Variants in MMP26 observed in about 807,000 individuals in gnomAD.
MMP26 encodes matrix metalloproteinase-26.
A neutral mutation model predicts 31.0 loss-of-function variants in MMP26; 33 were observed. The observed-to-expected ratio is 1.06, with a 90% CI of 0.81 to 1.42. The LOEUF (loss-of-function observed/expected upper bound fraction) is 1.42, where lower values mean the gene tolerates loss of function less well. MMP26 is among the 40% of genes most tolerant of loss of function. MMP26 has a pLI of 0.00. For missense variants in MMP26, 347 were observed against 316.1 expected (o/e 1.10, Z -0.74); for synonymous variants, 122 against 114.9 (o/e 1.06, Z -0.40).
At chr11:4,726,180 A>G (rs1286249055) in intron 1 of MMP26, among the ~76,000 whole-genome samples, 2 of 152,230 alleles carry the variant, frequency 1.3e-5, no homozygotes, top group East Asian at 1.9e-4. Context: ...TATCGAATAA[A>G]TAAGAATTTT....
intron 1 of MMP26, among the ~76,000 whole-genome samples, chr11:4,707,353 T>G (rs934101825): frequency 2.0e-5 from 3 of 152,202 alleles, no homozygotes; most frequent in Admixed American, 2.0e-4. Context: ...ATTCAAGTCC[T>G]TTGTCCCTTT....
chr11:4,981,086 T>C (rs1437384808), intron 2 of MMP26, among the ~76,000 whole-genome samples: 1 of 152,116 alleles, frequency 6.6e-6, no homozygotes, highest in Non-Finnish European at 1.5e-5. Flanking sequence ...AGAAGAAATT[T>C]AAACAACTCA....
chr11:4,760,022 C>T (rs7127963), intron 1 of MMP26, among the ~76,000 whole-genome samples: 2 of 152,038 alleles, frequency 1.3e-5, no homozygotes, highest in East Asian at 1.9e-4. Context: ...AGCACAAAGG[C>T]CTTATTCTTA....
At chr11:4,927,402 A>G (rs960544928) in intron 2 of MMP26, among the ~76,000 whole-genome samples, 1 of 152,178 alleles carries the variant, frequency 6.6e-6, no homozygotes, top group Admixed American at 6.5e-5. Flanking sequence ...CAAGGAATAA[A>G]CAAAATGATA....
chr11:4,818,874 C>A (rs369017201), intron 2 of MMP26, among the ~76,000 whole-genome samples: 1 of 152,100 alleles, frequency 6.6e-6, no homozygotes, highest in East Asian at 1.9e-4. Context: ...CAGTATTAGA[C>A]TAATTCAATA....
chr11:4,715,648 A>G (rs1317013374), intron 1 of MMP26, among the ~76,000 whole-genome samples: 3 of 152,202 alleles, frequency 2.0e-5, no homozygotes, highest in Non-Finnish European at 4.4e-5. Flanking sequence ...ATAAAACTGG[A>G]AGATAAATAT....
At chr11:4,918,493 A>C (rs1212349578) in intron 2 of MMP26, among the ~76,000 whole-genome samples, 1 of 152,186 alleles carries the variant, frequency 6.6e-6, no homozygotes, top group Non-Finnish European at 1.5e-5. Flanking sequence ...AAATAAAATA[A>C]AATTCAGAAT....
At chr11:4,817,947 A>G (rs1849444140) in intron 2 of MMP26, among the ~76,000 whole-genome samples, 1 of 152,170 alleles carries the variant, frequency 6.6e-6, no homozygotes, top group South Asian at 2.1e-4. Flanking sequence ...CATGAGAAAG[A>G]GCAGACCAAG....
At chr11:4,823,357 G>C (rs537444384) in intron 2 of MMP26, among the ~76,000 whole-genome samples, 2 of 152,224 alleles carry the variant, frequency 1.3e-5, no homozygotes, top group South Asian at 4.2e-4. Context: ...CAAAGTCCTA[G>C]TCCATGTATA....
intron 1 of MMP26, among the ~76,000 whole-genome samples, chr11:4,751,113 A>T (rs75619270): frequency 6.6e-6 from 1 of 152,212 alleles, no homozygotes; most frequent in South Asian, 2.1e-4. Context: ...ACACATGTCA[A>T]GTATTGAATC....
At chr11:4,749,110 T>A (rs1294995224) in intron 1 of MMP26, among the ~76,000 whole-genome samples, 1 of 151,986 alleles carries the variant, frequency 6.6e-6, no homozygotes, top group African/African-American at 2.4e-5. Context: ...GGATACAAAA[T>A]CAACATACAA....
At position 4,710,135 on chromosome 11, in the gene MMP26, C is replaced by G. The variant is rs748591462; in HGVS notation, c.-217+5090C>G. On this transcript the variant is annotated intron_variant, in intron 1 of 7. Transcript: ENST00000380390. ...GCTTCCACCCTGATGCGATGAAGCT[C>G]TCATGCACAGACACATGGATCAACA... 2.0e-5 allele frequency: 9 copies of G among 456,664 alleles called. No individual in the cohort carries two copies. The East Asian group carries it at 4.2e-4, about 21-fold the overall frequency. The allele number at this position is 456,664 out of a possible 1,614,324, so 28.3% of individuals were successfully genotyped here.
At position 4,893,194 on chromosome 11, in the gene MMP26, A is replaced by G. The variant is rs1283465107; in HGVS notation, c.-144-94874A>G. On this transcript the variant is annotated intron_variant, in intron 2 of 7. Coordinates refer to ENST00000380390, the MANE Select transcript of MMP26 (RefSeq NM_021801.5). ...TTTTATGTTTTATATCAAATATAAT[A>G]TGGATCAAATAAACTTCTGTTTAAA... Among the ~76,000 whole-genome samples the G allele has an allele frequency of 2.0e-5, 3 of 152,144 alleles. 1 individual carries two copies. The highest frequency in any genetic ancestry group is 4.4e-5 in the Non-Finnish European group (3 of 68,014).
intron 2 of MMP26, among the ~76,000 whole-genome samples, chr11:4,963,093 GACAA>G (rs1482090364): frequency 2.6e-5 from 4 of 152,102 alleles, no homozygotes; most frequent in Admixed American, 2.0e-4. Context: ...ACCAATAATA[GACAA>G]ACAGAGAGCC....
At chr11:4,709,616 T>C in intron 1 of MMP26, 1 of 456,876 alleles carries the variant, frequency 2.2e-6, no homozygotes, top group Non-Finnish European at 4.4e-6. Flanking sequence ...TCTTCTTCCT[T>C]ACTGGCATCC....
intron 1 of MMP26, among the ~76,000 whole-genome samples, chr11:4,742,740 G>T (rs1319132764): frequency 6.6e-6 from 1 of 152,104 alleles, no homozygotes; most frequent in Non-Finnish European, 1.5e-5. Context: ...GAATATTGCC[G>T]ATGCTCTTTA....
intron 2 of MMP26, chr11:4,944,111 G>A (rs1456055983): frequency 2.2e-6 from 1 of 455,516 alleles, no homozygotes; most frequent in Non-Finnish European, 4.4e-6. Flanking sequence ...TATTTGTAAG[G>A]TTTTGGAAAA....
At chr11:4,848,765 T>C (rs1589918649) in intron 2 of MMP26, 1 of 1,613,904 alleles carries the variant, frequency 6.2e-7, no homozygotes, top group East Asian at 2.2e-5. Flanking sequence ...TTTTGCTAAT[T>C]ACACCATTGG....
intron 2 of MMP26, among the ~76,000 whole-genome samples, chr11:4,941,062 A>G (rs1190654161): frequency 2.2e-5 from 1 of 45,198 alleles, no homozygotes; most frequent in African/African-American, 6.5e-5. Flanking sequence ...ATAAAGAATG[A>G]TTTTTTAATA....
Sources: gnomAD v4.1 joint callset for allele counts (sites outside exome capture counted in the v4.1 genomes callset) on GRCh38, gnomAD v4.1.1 for gene constraint, MANE v1.5 for transcripts, NCBI Gene and HGNC (gene_info 2026-07-23, HGNC 2026-07-21) for gene names.